The following NCAM1 variants were observed in gnomAD, a reference collection of about 807,000 sequenced individuals.
NCAM1 encodes the protein antigen recognized by monoclonal antibody 5.1H11.
A neutral mutation model predicts 109.8 loss-of-function variants in NCAM1; 14 were observed. The ratio of observed to expected loss-of-function variants is 0.13; its 90% confidence interval spans 0.08 to 0.20. The LOEUF (loss-of-function observed/expected upper bound fraction) is 0.20. Among genes scored for constraint, NCAM1 ranks in the 10% least tolerant of loss-of-function variants. The pLI, the probability that NCAM1 is intolerant of heterozygous loss-of-function variation, is 1.00. For synonymous variants in NCAM1, 418 were observed against 442.9 expected, an observed-to-expected ratio of 0.94 and a Z score of 0.70; for missense variants, 774 against 1,109.9, an observed-to-expected ratio of 0.70 and a Z score of 4.30.
intron 1 of NCAM1, among the ~76,000 whole-genome samples, chr11:113,121,663 A>G (rs1311553793): frequency 6.6e-6 from 1 of 151,928 alleles, no homozygotes; most frequent in Non-Finnish European, 1.5e-5. Context: ...ATTATCCCCA[A>G]CACTCCAGAG....
chr11:113,032,036 G>A (rs1325816720), intron 1 of NCAM1, among the ~76,000 whole-genome samples: 2 of 151,998 alleles, frequency 1.3e-5, no homozygotes, highest in African/African-American at 2.4e-5. Flanking sequence ...TGACCACCTG[G>A]GCTCAAGTGA....
chr11:113,136,858 G>C (rs948247), intron 1 of NCAM1, among the ~76,000 whole-genome samples: 8,933 of 152,280 alleles, frequency 0.059, 513 homozygotes, highest in African/African-American at 0.14. Context: ...CCCAGTGCAA[G>C]AGGAGGAGCT....
At chr11:113,038,631 A>G (rs782319977) in intron 1 of NCAM1, among the ~76,000 whole-genome samples, 2 of 152,200 alleles carry the variant, frequency 1.3e-5, no homozygotes, top group Non-Finnish European at 2.9e-5. Context: ...AAGACATGAC[A>G]GAGAGACGGT....
rs797023911 is a variant in NCAM1, at chr11:113,114,688, C to A, written c.53-87691C>A. 2.0e-5 allele frequency among the ~76,000 whole-genome samples: 3 copies of A among 152,208 alleles called. No individual in the cohort carries two copies. The South Asian group carries it at 6.2e-4, about 31-fold the overall frequency. On this transcript the variant is annotated intron_variant, in intron 1 of 19. Coordinates refer to ENST00000316851, the MANE Select transcript of NCAM1 (RefSeq NM_181351.5). ...CACAGTGCTCTGAGAGCACCTCACT[C>A]ACTGCAGTGAAGCAAAAAATCCTGC...
At chr11:113,245,834 C>T (rs952097452) in intron 14 of NCAM1, among the ~76,000 whole-genome samples, 2 of 152,202 alleles carry the variant, frequency 1.3e-5, no homozygotes, top group Non-Finnish European at 1.5e-5. Context: ...TTAAGACTCT[C>T]GGGACTTTTC....
chr11:113,162,864 G>T (rs906003264), intron 1 of NCAM1, among the ~76,000 whole-genome samples: 5 of 152,126 alleles, frequency 3.3e-5, no homozygotes, highest in Admixed American at 1.3e-4. Context: ...CACATATTCC[G>T]CATGGAAATT....
intron 1 of NCAM1, among the ~76,000 whole-genome samples, chr11:113,005,524 C>G (rs1951870965): frequency 6.6e-6 from 1 of 152,146 alleles, no homozygotes; most frequent in South Asian, 2.1e-4. Flanking sequence ...GAGGTCTCAT[C>G]ATTCAGCTTG....
At chr11:113,082,708 C>T (rs1477949999) in intron 1 of NCAM1, among the ~76,000 whole-genome samples, 4 of 152,192 alleles carry the variant, frequency 2.6e-5, no homozygotes, top group Admixed American at 6.5e-5. Context: ...TATGACTGAA[C>T]GCAGGACAAT....
chr11:113,106,239 A>C (rs1555092554), intron 1 of NCAM1, among the ~76,000 whole-genome samples: 1 of 152,244 alleles, frequency 6.6e-6, no homozygotes, highest in African/African-American at 2.4e-5. Context: ...AAGTACTCAA[A>C]TGTGAAAGAA....
intron 16 of NCAM1, among the ~76,000 whole-genome samples, chr11:113,256,280 C>A (rs1210314131): frequency 1.3e-5 from 2 of 152,284 alleles, no homozygotes; most frequent in East Asian, 3.9e-4. Flanking sequence ...AACTTTTCTA[C>A]AAAGTTATTT....
chr11:113,214,721 G>C (rs1944478900), intron 8 of NCAM1, among the ~76,000 whole-genome samples: 1 of 152,142 alleles, frequency 6.6e-6, no homozygotes, highest in African/African-American at 2.4e-5. Context: ...CCTTGGATAG[G>C]TTGGTGGGGG....
intron 1 of NCAM1, among the ~76,000 whole-genome samples, chr11:113,167,686 G>T (rs1372557542): frequency 1.3e-5 from 2 of 152,104 alleles, no homozygotes; most frequent in South Asian, 4.2e-4. Flanking sequence ...GAGAAGTGAG[G>T]TCCCACTCCA....
chr11:112,976,682 A>G (rs143677087), intron 1 of NCAM1, among the ~76,000 whole-genome samples: 2 of 152,058 alleles, frequency 1.3e-5, no homozygotes, highest in Admixed American at 1.3e-4. Flanking sequence ...CGAGTCATGT[A>G]TCTTGGGATT....
intron 1 of NCAM1, among the ~76,000 whole-genome samples, chr11:113,013,001 T>G (rs1555074744): frequency 6.6e-6 from 1 of 152,200 alleles, no homozygotes; most frequent in Non-Finnish European, 1.5e-5. Flanking sequence ...GTCATATTTA[T>G]GGAGAGGGAG....
chr11:113,218,715 G>A (rs1335243878), intron 8 of NCAM1, among the ~76,000 whole-genome samples: 3 of 152,158 alleles, frequency 2.0e-5, no homozygotes, highest in Non-Finnish European at 4.4e-5. Context: ...GGTTTAGCTC[G>A]ACAACTGATA....
At chr11:113,254,104 A>G (rs1945772596) in intron 15 of NCAM1, among the ~76,000 whole-genome samples, 2 of 152,232 alleles carry the variant, frequency 1.3e-5, no homozygotes, top group African/African-American at 4.8e-5. Flanking sequence ...CTGGATATCT[A>G]TAATGACATA....
chr11:113,097,396 T>C (rs2135822178), intron 1 of NCAM1, among the ~76,000 whole-genome samples: 1 of 152,346 alleles, frequency 6.6e-6, no homozygotes, highest in Non-Finnish European at 1.5e-5. Flanking sequence ...AACAGAAAGA[T>C]GGTACCAAGG....
chr11:113,277,373 C>T lies in NCAM1; in HGVS notation c.*1986C>T. On this transcript the variant is annotated 3_prime_UTR_variant, in exon 20 of 20. Coordinates refer to ENST00000316851, the MANE Select transcript of NCAM1 (RefSeq NM_181351.5). The stretch of plus-strand genomic sequence containing the variant: ...GCTCCTGGGGATGGAAATGGAGGAT[C>T]CCAGAACACACAGCCCTGGCCCCTT... 1 of 399,126 alleles carries T rather than the reference C, an allele frequency of 2.5e-6. No individual in the cohort carries two copies. Among genetic ancestry groups the T allele is most frequent in the Admixed American group, 4.4e-5 (1 of 22,722 alleles). The allele number at this position is 399,126 out of a possible 1,614,324, so 24.7% of individuals were successfully genotyped here.
At position 112,971,226 on chromosome 11, in the gene NCAM1, TTCTC is replaced by T. The variant is rs137914370; in HGVS notation, c.52+9578_52+9581del. Among the ~76,000 whole-genome samples, 1,197 of 149,342 alleles carry T rather than the reference TTCTC, an allele frequency of 8.0e-3. 6 individuals are homozygous for T. Among genetic ancestry groups the T allele is most frequent in the Non-Finnish European group, 0.012 (826 of 67,042 alleles). On this transcript the variant is annotated intron_variant, in intron 1 of 19. Transcript: ENST00000316851. ...TAAGTACTGCTTTGAGTACTTCAAT[TTCTC>T]TCTCTCTCTCTCTCTGTCTCTGTCT...
Sources: gnomAD v4.1 joint callset for allele counts (sites outside exome capture counted in the v4.1 genomes callset) on GRCh38, gnomAD v4.1.1 for gene constraint, MANE v1.5 for transcripts, NCBI Gene and HGNC (gene_info 2026-07-23, HGNC 2026-07-21) for gene names.